CRYL1: variants seen among roughly 807,000 people sequenced by gnomAD.
CRYL1 encodes the protein crystallin lambda 1, also known as lambda-crystallin homolog.
In CRYL1, 29 loss-of-function variants were observed where a neutral mutation model predicts 36.6. The observed-to-expected ratio is 0.79, with a 90% CI of 0.59 to 1.08. CRYL1 has a LOEUF of 1.08. Ranked by LOEUF, CRYL1 falls within the 50% of genes least tolerant of loss-of-function variation. The probability of loss-of-function intolerance (pLI) is 0.00; values close to 1 mark genes in which losing one functional copy is unlikely to be tolerated. For synonymous variants in CRYL1, 152 were observed against 151.5 expected, an observed-to-expected ratio of 1.00 and a Z score of -0.02; for missense variants, 411 against 407.9, an observed-to-expected ratio of 1.01 and a Z score of -0.06.
At chr13:20,464,446 T>C (rs1388819203) in intron 3 of CRYL1, among the ~76,000 whole-genome samples, 1 of 152,172 alleles carries the variant, frequency 6.6e-6, no homozygotes, top group African/African-American at 2.4e-5. Context: ...TACAAAATAG[T>C]GTTACTGTTA....
intron 5 of CRYL1, among the ~76,000 whole-genome samples, chr13:20,427,484 C>T (rs1270934754): frequency 6.6e-6 from 1 of 152,056 alleles, no homozygotes; most frequent in Non-Finnish European, 1.5e-5. Flanking sequence ...GCCCAGGATG[C>T]CACAAAGACA....
At chr13:20,431,894 A>G in intron 5 of CRYL1, 1 of 1,509,786 alleles carries the variant, frequency 6.6e-7, no homozygotes, top group Non-Finnish European at 8.8e-7. Context: ...AGAACCTCTC[A>G]GGCAGACAGT....
chr13:20,512,501 G>A lies in CRYL1; in HGVS notation c.91C>T (p.Gln31Ter). 6.2e-7 allele frequency: 1 copy of A among 1,614,138 alleles called. No homozygotes were observed. Among genetic ancestry groups the A allele is most frequent in the Non-Finnish European group, 8.5e-7 (1 of 1,179,994 alleles). Residue 31 changes from glutamine to a stop codon, truncating the protein, a stop_gained, in exon 2 of 8, where the codon CAG becomes TAG. Transcript: ENST00000298248. LOFTEE classifies it high-confidence loss of function. Reference protein sequence around the residue: ...WAMLFASGGFQVKLYDIEQQQ... With the variant: ...WAMLFASGGF The stretch of plus-strand genomic sequence containing the variant: ...TGCTCAATGTCATAGAGTTTCACCT[G>A]GAAGCCTCCACTGGCAAACAGCATG...
intron 2 of CRYL1, among the ~76,000 whole-genome samples, chr13:20,498,341 TCATA>T (rs1292900409): frequency 5.9e-5 from 6 of 102,356 alleles, no homozygotes; most frequent in Admixed American, 1.0e-4. Flanking sequence ...TGCACATACC[TCATA>T]CACACACTAT....
chr13:20,439,530 A>C, intron 4 of CRYL1, 63 bp downstream of exon 4: 12 of 732,436 alleles, frequency 1.6e-5, no homozygotes, highest in Non-Finnish European at 1.9e-5. Context: ...AAAAAAAAAA[A>C]GAAAAAAAAA....
At position 20,415,195 on chromosome 13, in the gene CRYL1, G is replaced by C. The variant is rs1208653472; in HGVS notation, c.634-1808C>G. Among the ~76,000 whole-genome samples the C allele has an allele frequency of 6.6e-6, 1 of 152,196 alleles. No individual in the cohort carries two copies. Among genetic ancestry groups the C allele is most frequent in the Non-Finnish European group, 1.5e-5 (1 of 68,018 alleles). ...TCTTTGCCCAGAAGGCCGTCTCCAA[G>C]CTGGGGGCTTGCTCCGCCCGGAGGG... On this transcript the variant is annotated intron_variant, in intron 5 of 7. Transcript: ENST00000298248. The surrounding 1 kb of genome is among the most constrained non-coding windows in gnomAD (Gnocchi z 4.1).
chr13:20,496,192 C>G (rs2033602050), intron 2 of CRYL1, among the ~76,000 whole-genome samples: 1 of 152,088 alleles, frequency 6.6e-6, no homozygotes, highest in Non-Finnish European at 1.5e-5. Context: ...CAACAGGTAC[C>G]CAGAGCAGTC....
At chr13:20,511,545 C>G (rs376740292) in intron 2 of CRYL1, among the ~76,000 whole-genome samples, 2 of 152,330 alleles carry the variant, frequency 1.3e-5, no homozygotes, top group South Asian at 2.1e-4. Flanking sequence ...TAGTTTAACA[C>G]TATACCCTAC....
intron 1 of CRYL1, among the ~76,000 whole-genome samples, chr13:20,524,471 G>A (rs192813296): frequency 2.0e-5 from 3 of 152,028 alleles, no homozygotes; most frequent in East Asian, 1.9e-4. Flanking sequence ...TCCGCCTCCC[G>A]GGTTCAAAGG....
rs1190099458 is a variant in CRYL1 at position 20,508,862 on chromosome 13, AAAAAAAAAAAAAAC to A, written c.149+3567_149+3580del. ...GAGCGAGACTCCAAAAAAAAAAAAAAAAAAAAAAAAAAACAAAAAAAAAAAACTGACAACAACAA... is the reference window on the plus strand; with the variant it reads ...GAGCGAGACTCCAAAAAAAAAAAAAAAAAAAAAAAAAACTGACAACAACAA... On this transcript the variant is annotated intron_variant, in intron 2 of 7. Coordinates refer to ENST00000298248, the MANE Select transcript of CRYL1 (RefSeq NM_015974.3). 4.4e-3 allele frequency among the ~76,000 whole-genome samples: 239 copies of A among 54,576 alleles called. 22 individuals carry two copies. Among genetic ancestry groups the A allele is most frequent in the African/African-American group, 0.016 (222 of 14,136 alleles). 35.8% of individuals were successfully genotyped at this position (54,576 alleles called of 152,430 possible).
intron 5 of CRYL1, among the ~76,000 whole-genome samples, chr13:20,417,039 C>A (rs1481659546): frequency 6.6e-6 from 1 of 152,186 alleles, no homozygotes; most frequent in Non-Finnish European, 1.5e-5. Context: ...ATGGATTTCT[C>A]AAAGCTTGAG....
At chr13:20,447,704 C>G (rs748472273) in intron 3 of CRYL1, among the ~76,000 whole-genome samples, 2 of 152,158 alleles carry the variant, frequency 1.3e-5, no homozygotes, top group African/African-American at 2.4e-5. Context: ...GCCAACCAGT[C>G]CTCATCTTAA....
chr13:20,436,160 TC>T (rs1382749489), intron 4 of CRYL1, among the ~76,000 whole-genome samples: 1 of 151,666 alleles, frequency 6.6e-6, no homozygotes, highest in Non-Finnish European at 1.5e-5. Flanking sequence ...TGGTGGCCTC[TC>T]CCCCAACGCC....
intron 5 of CRYL1, among the ~76,000 whole-genome samples, chr13:20,420,495 C>T (rs939913939): frequency 1.3e-4 from 19 of 146,524 alleles, no homozygotes; most frequent in African/African-American, 3.0e-4. Flanking sequence ...TAAAACATCC[C>T]GCAGTAAGGG....
chr13:20,407,765 T>C (rs891877031), intron 6 of CRYL1, among the ~76,000 whole-genome samples: 2 of 152,240 alleles, frequency 1.3e-5, no homozygotes, highest in African/African-American at 4.8e-5. Flanking sequence ...GAAAAAAGAA[T>C]TGATTCTCAT....
At chr13:20,468,621 T>G (rs1565974574) in intron 3 of CRYL1, among the ~76,000 whole-genome samples, 2 of 152,134 alleles carry the variant, frequency 1.3e-5, no homozygotes, top group South Asian at 4.2e-4. Flanking sequence ...GTTTGTTTGT[T>G]TTGAGGTGCA....
chr13:20,411,218 T>A (rs1292083376), intron 6 of CRYL1, among the ~76,000 whole-genome samples: 2 of 152,232 alleles, frequency 1.3e-5, no homozygotes, highest in Non-Finnish European at 2.9e-5. Context: ...CCAGATCTTA[T>A]AACTCTCCAA....
At chr13:20,493,865 T>C (rs1225406953) in intron 2 of CRYL1, among the ~76,000 whole-genome samples, 1 of 152,168 alleles carries the variant, frequency 6.6e-6, no homozygotes, top group Non-Finnish European at 1.5e-5. Context: ...ACTGGCTGAC[T>C]ATCAGAGGCT....
rs2031914988 is a variant in CRYL1, at chr13:20,425,563, G to C, written c.633+6539C>G. On this transcript the variant is annotated intron_variant, in intron 5 of 7. Coordinates refer to ENST00000298248, the MANE Select transcript of CRYL1 (RefSeq NM_015974.3). This position sits in a 1 kb window ranked among gnomAD's most constrained non-coding sequence, Gnocchi z 4.4. The stretch of plus-strand genomic sequence containing the variant: ...TGGCACCTTCCTGGGTATTCATGCA[G>C]AGGTGGAGAACTAGACCCATATGAA... 6.6e-6 allele frequency among the ~76,000 whole-genome samples: 1 copy of C among 152,202 alleles called. No individual in the cohort carries two copies. Among genetic ancestry groups the C allele is most frequent in the African/African-American group, 2.4e-5 (1 of 41,456 alleles).
Sources: allele counts gnomAD v4.1 joint callset (sites outside exome capture counted in the v4.1 genomes callset), GRCh38; gene constraint gnomAD v4.1.1; non-coding constraint Gnocchi (gnomAD v3.1); transcripts MANE v1.5; gene names NCBI Gene and HGNC (gene_info 2026-07-23, HGNC 2026-07-21).